GPR160: variants seen among roughly 807,000 people sequenced by gnomAD.
GPR160 encodes the protein G protein-coupled receptor 160.
Under a neutral mutation model 2.6 loss-of-function variants are expected in GPR160, and 2 were observed. The observed-to-expected ratio is 0.77, with a 90% CI of 0.32 to 2.44. The LOEUF (loss-of-function observed/expected upper bound fraction) is 2.44. Ranked by LOEUF, GPR160 falls within the 30% of genes most tolerant of loss-of-function variation. GPR160 has a pLI of 0.11. For missense variants in GPR160, 351 were observed against 383.6 expected, an observed-to-expected ratio of 0.91 and a Z score of 0.71; for synonymous variants, 130 against 132.2, an observed-to-expected ratio of 0.98 and a Z score of 0.12.
chr3:170,077,305 C>G (rs1469336672), intron 2 of GPR160: 1 of 151,982 alleles, frequency 6.6e-6, no homozygotes, highest in Non-Finnish European at 1.5e-5. Context: ...ATTATAAAAA[C>G]ACTTGAAGTT....
intron 2 of GPR160, among the ~76,000 whole-genome samples, chr3:170,061,481 C>A (rs559796952): frequency 6.6e-6 from 1 of 151,500 alleles, no homozygotes; most frequent in Non-Finnish European, 1.5e-5. Flanking sequence ...ATTTATGGGA[C>A]AGTTTTAATT....
chr3:170,075,430 A>C (rs1235582149), intron 2 of GPR160, among the ~76,000 whole-genome samples: 2 of 152,222 alleles, frequency 1.3e-5, no homozygotes, highest in Non-Finnish European at 2.9e-5. Context: ...ATAGAGAATA[A>C]TGAGGAATGG....
chr3:170,059,496 T>C (rs1711825951), intron 2 of GPR160, among the ~76,000 whole-genome samples: 1 of 152,224 alleles, frequency 6.6e-6, no homozygotes, highest in African/African-American at 2.4e-5. Flanking sequence ...GCTTAATATG[T>C]ATTGTAGTTT....
rs1474203375 is a variant in GPR160, at chr3:170,085,195, A to G, written c.*206A>G. 2.7e-6 allele frequency: 1 copy of G among 368,340 alleles called. No homozygotes were observed. Among genetic ancestry groups the G allele is most frequent in the African/African-American group, 2.1e-5 (1 of 47,292 alleles). 22.8% of individuals were successfully genotyped at this position (368,340 alleles called of 1,614,324 possible). ...CAAAATAATTCCAAGAAGTTTTTAT[A>G]GTTATTCAGGGACACTATATTACAA... On this transcript the variant is annotated 3_prime_UTR_variant, in exon 4 of 4. Coordinates refer to ENST00000355897, the MANE Select transcript of GPR160 (RefSeq NM_014373.3).
At chr3:170,064,167 G>T (rs1712160920) in intron 2 of GPR160, among the ~76,000 whole-genome samples, 1 of 152,184 alleles carries the variant, frequency 6.6e-6, no homozygotes, top group South Asian at 2.1e-4. Flanking sequence ...CAAAATTAGA[G>T]ATTTGTAGTG....
At chr3:170,049,610 A>C (rs1716869038) in intron 2 of GPR160, among the ~76,000 whole-genome samples, 1 of 152,174 alleles carries the variant, frequency 6.6e-6, no homozygotes. Flanking sequence ...GACTCCAGGG[A>C]GCAGGGTCAT....
chr3:170,078,688 G>A (rs1271277584), intron 2 of GPR160, among the ~76,000 whole-genome samples: 2 of 152,188 alleles, frequency 1.3e-5, no homozygotes, highest in Non-Finnish European at 2.9e-5. Context: ...CTCCTCTAGA[G>A]GGCAGAATTT....
intron 3 of GPR160, among the ~76,000 whole-genome samples, chr3:170,081,769 T>C (rs150827772): frequency 0.012 from 1,852 of 152,276 alleles, 40 homozygotes; most frequent in African/African-American, 0.042. Flanking sequence ...TGTCCCCTTC[T>C]TTGTGTCCAT....
chr3:170,076,563 T>C (rs1290661), intron 2 of GPR160, among the ~76,000 whole-genome samples: 132,885 of 151,822 alleles, frequency 0.88, 58,459 homozygotes, highest in East Asian at 0.98. Context: ...TTTTTTGAGA[T>C]AACTGTGTCT....
intron 2 of GPR160, among the ~76,000 whole-genome samples, chr3:170,045,080 TC>T (rs1035107929): frequency 1.3e-5 from 2 of 152,062 alleles, no homozygotes; most frequent in African/African-American, 4.8e-5. Flanking sequence ...TGCATTTTCT[TC>T]CCATGTACGT....
At chr3:170,042,420 C>CCA (rs1716489889) in intron 2 of GPR160, among the ~76,000 whole-genome samples, 1 of 103,942 alleles carries the variant, frequency 9.6e-6, no homozygotes, top group Admixed American at 1.0e-4. Context: ...GATACTGCCT[C>CCA]AAAAAAAAAA....
At chr3:170,059,371 CA>C (rs1711820985) in intron 2 of GPR160, among the ~76,000 whole-genome samples, 1 of 152,086 alleles carries the variant, frequency 6.6e-6, no homozygotes, top group Admixed American at 6.6e-5. Flanking sequence ...ACAGAGTACT[CA>C]GACTGTATAA....
rs887856306 is a variant in GPR160, at chr3:170,085,188, T to C, written c.*199T>C. The C allele has an allele frequency of 3.7e-5, 14 of 377,414 alleles. No individual in the cohort carries two copies. The highest frequency in any genetic ancestry group is 1.4e-3 in the Middle Eastern group (2 of 1,380). The allele number at this position is 377,414 out of a possible 1,614,324, so 23.4% of individuals were successfully genotyped here. On this transcript the variant is annotated 3_prime_UTR_variant, in exon 4 of 4. Coordinates refer to ENST00000355897, the MANE Select transcript of GPR160 (RefSeq NM_014373.3). Reference sequence around the variant, plus strand: ...TTAAAAACAAAATAATTCCAAGAAGTTTTTATAGTTATTCAGGGACACTAT... The same window carrying C: ...TTAAAAACAAAATAATTCCAAGAAGCTTTTATAGTTATTCAGGGACACTAT...
intron 2 of GPR160, among the ~76,000 whole-genome samples, chr3:170,065,408 A>C (rs1345030780): frequency 6.6e-6 from 1 of 152,158 alleles, no homozygotes; most frequent in Non-Finnish European, 1.5e-5. Context: ...TAGATTGTGC[A>C]CTCTGGATCT....
intron 2 of GPR160, among the ~76,000 whole-genome samples, chr3:170,050,221 G>T (rs774959938): frequency 7.2e-6 from 1 of 139,340 alleles, no homozygotes; most frequent in Non-Finnish European, 1.5e-5. Context: ...CACCATGCCC[G>T]CCTAATTTAC....
chr3:170,068,856 GA>G (rs1712463700), intron 2 of GPR160, among the ~76,000 whole-genome samples: 1 of 152,192 alleles, frequency 6.6e-6, no homozygotes, highest in Admixed American at 6.5e-5. Flanking sequence ...TTGAATGTCT[GA>G]GGATCTTTGG....
rs1261036983 is a variant in GPR160, at chr3:170,084,356, C to A, written c.384C>A (p.Thr128=). ...ATTGCCTGAATTTCTCTAAAACAAC[C>A]AAGCTTTCATTTAAGTGTCAAAAAT... ...IDYCLNFSKT[T]KLSFKCQKLF... The change falls in exon 4 of 4, where the codon ACC becomes ACA. Residue 128 remains threonine, a synonymous_variant. Transcript: ENST00000355897. The A allele has an allele frequency of 6.2e-7, 1 of 1,608,808 alleles. No individual in the cohort carries two copies. Among genetic ancestry groups the A allele is most frequent in the Non-Finnish European group, 8.5e-7 (1 of 1,176,440 alleles).
chr3:170,041,960 C>A (rs967775018), intron 2 of GPR160, among the ~76,000 whole-genome samples: 2 of 152,160 alleles, frequency 1.3e-5, no homozygotes, highest in African/African-American at 4.8e-5. Context: ...TAAGGACTTA[C>A]CACAAATGTG....
chr3:170,079,567 C>T (rs1232863676), intron 2 of GPR160, among the ~76,000 whole-genome samples: 1 of 152,182 alleles, frequency 6.6e-6, no homozygotes, highest in African/African-American at 2.4e-5. Context: ...GCATCAATCT[C>T]TCCATCTTTG....
Sources: allele counts gnomAD v4.1 joint callset (sites outside exome capture counted in the v4.1 genomes callset), GRCh38; gene constraint gnomAD v4.1.1; transcripts MANE v1.5; gene names NCBI Gene and HGNC (gene_info 2026-07-23, HGNC 2026-07-21).